CCNI: variants seen among roughly 807,000 people sequenced by gnomAD.
CCNI encodes the protein cyclin-I.
Under a neutral mutation model 34.1 loss-of-function variants are expected in CCNI, and 14 were observed. The ratio of observed to expected loss-of-function variants is 0.41; its 90% CI spans 0.27 to 0.64. The LOEUF (loss-of-function observed/expected upper bound fraction) is 0.64. CCNI is among the 30% of genes least tolerant of loss of function. CCNI has a pLI of 0.31. For missense variants in CCNI, 385 were observed against 440.5 expected (o/e 0.87, Z 1.13); for synonymous variants, 154 against 158.4 (o/e 0.97, Z 0.21).
At chr4:77,072,051 G>A (rs1013723865) in intron 1 of CCNI, among the ~76,000 whole-genome samples, 1 of 152,016 alleles carries the variant, frequency 6.6e-6, no homozygotes, top group African/African-American at 2.4e-5. Flanking sequence ...AAACCAGACA[G>A]ACATCACTAG....
intron 6 of CCNI, among the ~76,000 whole-genome samples, chr4:77,050,494 T>C (rs934003568): frequency 6.6e-6 from 1 of 152,200 alleles, no homozygotes; most frequent in African/African-American, 2.4e-5. Flanking sequence ...ATGTTAGTCA[T>C]TGTATAATAC....
At chr4:77,057,472 C>T (rs548977236) in intron 3 of CCNI, among the ~76,000 whole-genome samples, 6 of 152,258 alleles carry the variant, frequency 3.9e-5, no homozygotes, top group East Asian at 3.9e-4. Flanking sequence ...TCTTACACTC[C>T]GTAATTATTT....
chr4:77,058,580 T>A lies in CCNI; in HGVS notation c.170A>T (p.Tyr57Phe). ...TGTTTCTGGGTAAAGGTTGAATTGG[T>A]ACTTGAGTTTGGCCAGCCATTGAAT... ...EVIQWLAKLK[Y>F]QFNLYPETFA... Residue 57 changes from tyrosine to phenylalanine, a missense_variant, in exon 3 of 7, where the codon TAC becomes TTC. By Grantham distance (22) the Tyr-to-Phe change is conservative. Around this residue, in one of 2 missense-constraint regions of CCNI, gnomAD observed 135 missense variants for 191.8 expected, o/e 0.70. Coordinates refer to ENST00000237654, the MANE Select transcript of CCNI (RefSeq NM_006835.3). 1 of 1,613,142 alleles carries A rather than the reference T, an allele frequency of 6.2e-7. No homozygotes were observed. The highest frequency in any genetic ancestry group is 8.5e-7 in the Non-Finnish European group (1 of 1,179,142).
At chr4:77,056,739 C>A (rs568247285) in intron 3 of CCNI, among the ~76,000 whole-genome samples, 129 of 151,976 alleles carry the variant, frequency 8.5e-4, no homozygotes, top group Non-Finnish European at 1.6e-3. Flanking sequence ...ACAACGCCCG[C>A]CACCACGCCC....
At chr4:77,056,368 A>G (rs1247791468) in intron 3 of CCNI, 45 bp from the exon 4 acceptor site, 1 of 1,432,520 alleles carries the variant, frequency 7.0e-7, no homozygotes, top group Non-Finnish European at 9.8e-7. Flanking sequence ...GATTTTTCAA[A>G]AACAATTTAA....
In CCNI at chr4:77,066,294, T is replaced by C. The variant is rs1325216865; in HGVS notation, c.69A>G (p.Glu23=). 2.5e-6 allele frequency: 4 copies of C among 1,614,120 alleles called. No individual in the cohort carries two copies. The highest frequency in any genetic ancestry group is 3.4e-6 in the Non-Finnish European group (4 of 1,179,960). Residue 23 remains glutamate, a synonymous_variant, in exon 2 of 7, where the codon GAA becomes GAG. Coordinates refer to ENST00000237654, the MANE Select transcript of CCNI (RefSeq NM_006835.3). ...GCACATTCACTTTCCACATCTGTGC[T>C]TCCCTAGTGATTGCCTTTTCCAACA... ...SFLLEKAITR[E]AQMWKVNVRK...
At chr4:77,069,106 T>A (rs1345264499) in intron 1 of CCNI, among the ~76,000 whole-genome samples, 1 of 152,182 alleles carries the variant, frequency 6.6e-6, no homozygotes, top group Non-Finnish European at 1.5e-5. Context: ...CAGCTTTCTG[T>A]TAACTCCCCA....
rs114219448 is a variant in CCNI, at chr4:77,067,429, T to C, written c.-43-1024A>G. Among the ~76,000 whole-genome samples the C allele has an allele frequency of 3.9e-3, 591 of 152,270 alleles. 3 individuals are homozygous for C. Among genetic ancestry groups the C allele is most frequent in the African/African-American group, 0.013 (551 of 41,560 alleles). Reference sequence around the variant, plus strand: ...GACTAGCACTCTAAAATGAGCAGCATGTCTAAATAGCAAGTTTAGCAGTGC... The same window carrying C: ...GACTAGCACTCTAAAATGAGCAGCACGTCTAAATAGCAAGTTTAGCAGTGC... On this transcript the variant is annotated intron_variant, in intron 1 of 6. Transcript: ENST00000237654.
In CCNI at chr4:77,048,081, G is replaced by GTT; in HGVS notation, c.*136_*137dup. 1 of 571,314 alleles carries GTT rather than the reference G, an allele frequency of 1.8e-6. No homozygotes were observed. The highest frequency in any genetic ancestry group is 3.0e-6 in the Non-Finnish European group (1 of 330,206). The allele number at this position is 571,314 out of a possible 1,614,324, so 35.4% of individuals were successfully genotyped here. A position where few individuals can be genotyped will look rare whatever the true frequency, so the allele number is the denominator to read the frequency against. On this transcript the variant is annotated 3_prime_UTR_variant, in exon 7 of 7. Transcript: ENST00000237654. ...ATAATTAGCCACACAAATAATGAGAGTTTTATTTTTTTTTTCTGGCTCACT... is the reference window on the plus strand; with the variant it reads ...ATAATTAGCCACACAAATAATGAGAGTTTTTTATTTTTTTTTTCTGGCTCACT...
At position 77,049,932 on chromosome 4, in the gene CCNI, A is replaced by G. The variant is rs4252940; in HGVS notation, c.691-1270T>C. Among the ~76,000 whole-genome samples the G allele has an allele frequency of 1.8e-3, 267 of 152,256 alleles. 1 individual carries two copies. The highest frequency in any genetic ancestry group is 6.1e-3 in the African/African-American group (253 of 41,544). On this transcript the variant is annotated intron_variant, in intron 6 of 6. Coordinates refer to ENST00000237654, the MANE Select transcript of CCNI (RefSeq NM_006835.3). ...CAGCATTGTCAAAATAACCTTAGTT[A>G]GCATCATATATTCCTTCCCTGCTCT...
At chr4:77,071,421 C>T (rs1729460589) in intron 1 of CCNI, among the ~76,000 whole-genome samples, 2 of 152,094 alleles carry the variant, frequency 1.3e-5, no homozygotes, top group African/African-American at 2.4e-5. Flanking sequence ...AAATCAAGAG[C>T]CTAATCTTCC....
chr4:77,055,147 T>C lies in CCNI; in HGVS notation c.690+3A>G, dbSNP rs781600783. ...AACACTATTTAATTAGACTGACACCTACCTGTGCTTTCTGAAGCAGTTCAA... is the reference window on the plus strand; with the variant it reads ...AACACTATTTAATTAGACTGACACCCACCTGTGCTTTCTGAAGCAGTTCAA... On this transcript the variant is annotated splice_donor_region_variant and intron_variant, in intron 6 of 6. Transcript: ENST00000237654. 5.0e-6 allele frequency: 8 copies of C among 1,587,704 alleles called. No individual in the cohort carries two copies. The highest frequency in any genetic ancestry group is 6.9e-6 in the Non-Finnish European group (8 of 1,155,992).
intron 1 of CCNI, among the ~76,000 whole-genome samples, chr4:77,073,957 T>C (rs1729687626): frequency 1.3e-5 from 2 of 152,178 alleles, no homozygotes; most frequent in African/African-American, 4.8e-5. Flanking sequence ...TATTAACTCA[T>C]GTAATGTTCC....
chr4:77,065,846 TC>T, intron 2 of CCNI, among the ~76,000 whole-genome samples: 1 of 152,348 alleles, frequency 6.6e-6, no homozygotes, highest in African/African-American at 2.4e-5. Flanking sequence ...ACGCCTATAA[TC>T]CTACCACTTT....
chr4:77,054,390 T>G (rs1161570360), intron 6 of CCNI, among the ~76,000 whole-genome samples: 4 of 152,096 alleles, frequency 2.6e-5, no homozygotes, highest in Admixed American at 1.3e-4. Flanking sequence ...AAAGGGAAAG[T>G]AGGTTCATGA....
At chr4:77,063,680 ACT>A (rs1245412600) in intron 2 of CCNI, among the ~76,000 whole-genome samples, 4 of 146,064 alleles carry the variant, frequency 2.7e-5, no homozygotes, top group Non-Finnish European at 6.0e-5. Context: ...GCAGAGCAAG[ACT>A]CTGTCTCCAA....
At position 77,058,393 on chromosome 4, in the gene CCNI, C is replaced by A. The variant is rs530696459; in HGVS notation, c.243+114G>T. On this transcript the variant is annotated intron_variant, in intron 3 of 6. Transcript: ENST00000237654. ...TCTTCTTATGGGTACATACATCATT[C>A]TCCAGCAAAGTTCTCCACTTCTTTC... 3 of 707,380 alleles carry A rather than the reference C, an allele frequency of 4.2e-6. No homozygotes were observed. The African/African-American group carries it at 5.5e-5, about 13-fold the overall frequency. 43.8% of individuals were successfully genotyped at this position (707,380 alleles called of 1,614,324 possible).
At chr4:77,069,547 A>G (rs1293143463) in intron 1 of CCNI, among the ~76,000 whole-genome samples, 5 of 150,456 alleles carry the variant, frequency 3.3e-5, no homozygotes, top group Non-Finnish European at 7.4e-5. Flanking sequence ...CCATTAACTC[A>G]TCATTTACAT....
Position 77,048,151 on chromosome 4 carries a change from G to C in CCNI, c.*68C>G, listed in dbSNP as rs113344148. On this transcript the variant is annotated 3_prime_UTR_variant, in exon 7 of 7. Coordinates refer to ENST00000237654, the MANE Select transcript of CCNI (RefSeq NM_006835.3). ...TATATTTCCTTCTACAGCCTTTCCTGATTTTGCATGTTCTCATTCCCAAAG... is the reference window on the plus strand; with the variant it reads ...TATATTTCCTTCTACAGCCTTTCCTCATTTTGCATGTTCTCATTCCCAAAG... The C allele has an allele frequency of 1.9e-3, 2,316 of 1,223,688 alleles. 32 individuals carry two copies. The African/African-American group carries it at 0.03, about 16-fold the overall frequency. 75.8% of individuals were successfully genotyped at this position (1,223,688 alleles called of 1,614,324 possible).
Sources: gnomAD v4.1 joint callset for allele counts (sites outside exome capture counted in the v4.1 genomes callset) on GRCh38, gnomAD v4.1.1 for gene constraint, gnomAD v4.1.1 regional missense constraint, MANE v1.5 for transcripts, NCBI Gene and HGNC (gene_info 2026-07-23, HGNC 2026-07-21) for gene names.